Variants in GFRA2 observed in about 807,000 individuals in gnomAD.
The protein encoded by GFRA2 is GDNF family receptor alpha 2, also known as GDNF family receptor alpha-2.
Under a neutral mutation model 48.3 loss-of-function variants are expected in GFRA2, and 17 were observed. The ratio of observed to expected loss-of-function variants is 0.35; its 90% CI spans 0.24 to 0.53. The LOEUF (loss-of-function observed/expected upper bound fraction) is 0.53, where lower values mean the gene tolerates loss of function less well. Among genes scored for constraint, GFRA2 ranks in the 20% least tolerant of loss-of-function variants. The probability of loss-of-function intolerance (pLI) is 0.93; values close to 1 mark genes in which losing one functional copy is unlikely to be tolerated. For synonymous variants in GFRA2, 305 were observed against 257.2 expected (o/e 1.19, Z -1.78); for missense variants, 660 against 637.3 (o/e 1.04, Z -0.38).
At chr8:21,735,554 T>C (rs1320453991) in intron 4 of GFRA2, among the ~76,000 whole-genome samples, 1 of 149,892 alleles carries the variant, frequency 6.7e-6, no homozygotes, top group Non-Finnish European at 1.5e-5. Context: ...CCACTGCTGG[T>C]GCTGAGTGGT....
upstream of GFRA2, among the ~76,000 whole-genome samples, chr8:21,793,873 T>G (rs1807622573): frequency 2.6e-5 from 4 of 151,654 alleles, no homozygotes; most frequent in East Asian, 1.9e-4. Context: ...AAAGTTTTTT[T>G]TTTTTTTTTT....
chr8:21,771,797 A>G (rs369541585), intron 3 of GFRA2, among the ~76,000 whole-genome samples: 10 of 152,092 alleles, frequency 6.6e-5, no homozygotes, highest in Non-Finnish European at 8.8e-5. Flanking sequence ...GCAGCCACCA[A>G]GACTCCATGC....
At chr8:21,775,080 T>C (rs1806629362) in intron 2 of GFRA2, 25 bp from the exon 3 acceptor site, 19 of 1,256,676 alleles carry the variant, frequency 1.5e-5, no homozygotes, top group East Asian at 2.3e-5. Flanking sequence ...AGGCATCAGA[T>C]GCGGGCTCCT....
intron 4 of GFRA2, among the ~76,000 whole-genome samples, chr8:21,742,063 T>C (rs1255445586): frequency 6.6e-6 from 1 of 152,126 alleles, no homozygotes; most frequent in Non-Finnish European, 1.5e-5. Flanking sequence ...TACAGACAAG[T>C]TCTAAAGAGT....
chr8:21,760,141 G>A (rs2117640793), intron 3 of GFRA2, among the ~76,000 whole-genome samples: 1 of 152,354 alleles, frequency 6.6e-6, no homozygotes, highest in Middle Eastern at 3.4e-3. Flanking sequence ...GCAGAAGTTA[G>A]AGGAAGTAGA....
chr8:21,700,336 C>T (rs755393437), intron 7 of GFRA2, among the ~76,000 whole-genome samples: 31 of 152,198 alleles, frequency 2.0e-4, no homozygotes, highest in African/African-American at 7.2e-4. Flanking sequence ...GGAGGCAGGG[C>T]TGCCCAGAGA....
Position 21,750,713 on chromosome 8 carries a change from G to A in GFRA2, c.669C>T (p.Ser223=). The change falls in exon 4 of 9, where the codon TCC becomes TCT. Residue 223 remains serine, a synonymous_variant. Transcript: ENST00000524240. The surrounding 1 kb of genome is among the most constrained non-coding windows in gnomAD (Gnocchi z 5.7). ...SEYTYRMLFC[S]CQDQACAERR... is the part of the protein sequence containing the mutation. ...GCTCAGCGCACGCCTGGTCTTGGCA[G>A]GAGCAGAAGAGCATGCGGTAGGTGT... The A allele has an allele frequency of 6.2e-7, 1 of 1,613,920 alleles. No individual in the cohort carries two copies. Among genetic ancestry groups the A allele is most frequent in the Non-Finnish European group, 8.5e-7 (1 of 1,179,820 alleles).
intron 1 of GFRA2, among the ~76,000 whole-genome samples, chr8:21,787,271 GCAGT>G (rs1189036399): frequency 1.5e-3 from 174 of 118,452 alleles, no homozygotes; most frequent in Middle Eastern, 4.3e-3. Flanking sequence ...GGCGGGGGGG[GCAGT>G]GGGGGGGGTT....
At chr8:21,789,427 T>C (rs1330776110), upstream of GFRA2, among the ~76,000 whole-genome samples, 1 of 151,786 alleles carries the variant, frequency 6.6e-6, no homozygotes, top group African/African-American at 2.4e-5. Flanking sequence ...GCGGAGTCCG[T>C]GGGGCCCGAG....
chr8:21,771,006 C>G (rs1806411122), intron 3 of GFRA2, among the ~76,000 whole-genome samples: 1 of 152,160 alleles, frequency 6.6e-6, no homozygotes. Context: ...CCCCTGCATC[C>G]AACTAAACAA....
chr8:21,766,730 G>T (rs1438711850), intron 3 of GFRA2, among the ~76,000 whole-genome samples: 1 of 6,850 alleles, frequency 1.5e-4, no homozygotes, highest in Non-Finnish European at 3.2e-4. Flanking sequence ...AGCCGCTCTG[G>T]CCCCTCCCTC....
At position 21,782,586 on chromosome 8, in the gene GFRA2, C is replaced by T; in HGVS notation, c.354G>A (p.Glu118=). Residue 118 remains glutamate (E), a splice_region_variant and synonymous_variant, in exon 2 of 9, where the codon GAG becomes GAA. Transcript: ENST00000524240. The part of the protein sequence containing the change: ...IYWSIHLGLT[E]GEEFYEASPY... Reference sequence around the variant, plus strand: ...TGGGCAAGCCCCGCCCAGGCTTACCCTCGGTCAGCCCCAGGTGGATGCTCC... The same window carrying T: ...TGGGCAAGCCCCGCCCAGGCTTACCTTCGGTCAGCCCCAGGTGGATGCTCC... The T allele has an allele frequency of 6.4e-7, 1 of 1,568,944 alleles. No homozygotes were observed. Among genetic ancestry groups the T allele is most frequent in the South Asian group, 1.2e-5 (1 of 85,776 alleles).
At chr8:21,794,680 G>A (rs1161288446) in intron 2 of GFRA2, among the ~76,000 whole-genome samples, 1 of 152,134 alleles carries the variant, frequency 6.6e-6, no homozygotes, top group Non-Finnish European at 1.5e-5. Context: ...GCCCAGCTAA[G>A]TGCCCTGGGC....
Position 21,788,329 on chromosome 8 carries a change from T to G in GFRA2, c.-170A>C. 7.3e-7 allele frequency: 1 copy of G among 1,379,242 alleles called. No individual in the cohort carries two copies. Among genetic ancestry groups the G allele is most frequent in the African/African-American group, 1.5e-5 (1 of 66,280 alleles). The allele number at this position is 1,379,242 out of a possible 1,614,324, so 85.4% of individuals were successfully genotyped here. A position where few individuals can be genotyped will look rare whatever the true frequency, so the allele number is the denominator to read the frequency against. Reference sequence around the variant, plus strand: ...TCCCGAGTCCTGCGATTCTCGCCTCTGGCTGGAGGGGGTGGGGTGAGAGGC... The same window carrying G: ...TCCCGAGTCCTGCGATTCTCGCCTCGGGCTGGAGGGGGTGGGGTGAGAGGC... On this transcript the variant is annotated 5_prime_UTR_variant, in exon 1 of 9. Coordinates refer to ENST00000524240, the MANE Select transcript of GFRA2 (RefSeq NM_001495.5).
At position 21,706,006 on chromosome 8, in the gene GFRA2, G is replaced by A. The variant is rs1305193415; in HGVS notation, c.830C>T (p.Ala277Val). 6.3e-7 allele frequency: 1 copy of A among 1,579,462 alleles called. No homozygotes were observed. The highest frequency in any genetic ancestry group is 8.6e-7 in the Non-Finnish European group (1 of 1,162,366). ...GCAGCTGGTGACCGTCTGGTAGGAGGCTCGACAATTGGCATGGAAGTCGGC... is the reference window on the plus strand; with the variant it reads ...GCAGCTGGTGACCGTCTGGTAGGAGACTCGACAATTGGCATGGAAGTCGGC... The part of the protein sequence containing the change: ...RLADFHANCR[A>V]SYQTVTSCPA... The change falls in exon 5 of 9, where the codon GCC (alanine) becomes GTC (valine). Residue 277 changes from alanine to valine, a missense_variant. Transcript: ENST00000524240.
chr8:21,716,673 C>T (rs75432078), intron 4 of GFRA2, among the ~76,000 whole-genome samples: 4,142 of 152,284 alleles, frequency 0.027, 182 homozygotes, highest in African/African-American at 0.094. Context: ...CAGAGATAAA[C>T]GTGATGGGAC....
intron 4 of GFRA2, among the ~76,000 whole-genome samples, chr8:21,713,064 AAGGGAGAGGGAG>A (rs904634386): frequency 7.7e-6 from 1 of 129,676 alleles, no homozygotes; most frequent in Non-Finnish European, 1.6e-5. Flanking sequence ...AGACGAGGGA[AAGGGAGAGGGAG>A]AGGGAGAGGC....
At chr8:21,793,743 G>A (rs1207215647), upstream of GFRA2, among the ~76,000 whole-genome samples, 1 of 151,936 alleles carries the variant, frequency 6.6e-6, no homozygotes, top group Non-Finnish European at 1.5e-5. Flanking sequence ...GCCTTGTATC[G>A]GACAAGAAAA....
rs945590230 is a variant in GFRA2, at chr8:21,706,325, G to A, written c.795-284C>T. The A allele has an allele frequency of 1.6e-5, 9 of 553,992 alleles. No individual in the cohort carries two copies. The Admixed American group carries it at 1.8e-4, about 11-fold the overall frequency. 34.3% of individuals were successfully genotyped at this position (553,992 alleles called of 1,614,324 possible). A position where few individuals can be genotyped will look rare whatever the true frequency, so the allele number is the denominator to read the frequency against. ...ACCCCTCAAGGCACAGAAACAGCCT[G>A]CTCTAAATGGCTCTTTTAGGCTGGA... On this transcript the variant is annotated intron_variant, in intron 4 of 8. Coordinates refer to ENST00000524240, the MANE Select transcript of GFRA2 (RefSeq NM_001495.5).
Sources: gnomAD v4.1 joint callset for allele counts (sites outside exome capture counted in the v4.1 genomes callset) on GRCh38, gnomAD v4.1.1 for gene constraint, Gnocchi (gnomAD v3.1) non-coding constraint, MANE v1.5 for transcripts, NCBI Gene and HGNC (gene_info 2026-07-23, HGNC 2026-07-21) for gene names.